Variants in NPAS3 observed in about 807,000 individuals in gnomAD.
The protein encoded by NPAS3 is neuronal PAS domain protein 3, also known as neuronal PAS domain-containing protein 3.
NPAS3 carries 14 observed loss-of-function variants against 73.1 expected under a neutral mutation model. The ratio of observed to expected loss-of-function variants is 0.19; its 90% CI spans 0.13 to 0.30. NPAS3 has a LOEUF of 0.30. NPAS3 is among the 10% of genes least tolerant of loss of function. The pLI, the probability that NPAS3 is intolerant of heterozygous loss-of-function variation, is 1.00. For synonymous variants in NPAS3, 620 were observed against 541.5 expected (o/e 1.14, Z -2.01); for missense variants, 1,096 against 1,250.0 (o/e 0.88, Z 1.86).
intron 6 of NPAS3, among the ~76,000 whole-genome samples, chr14:33,707,181 C>T (rs1218226463): frequency 6.6e-6 from 1 of 152,146 alleles, no homozygotes; most frequent in Non-Finnish European, 1.5e-5. Flanking sequence ...TTCTAAGGAG[C>T]AGAGGAGTTG....
At chr14:33,187,589 C>T (rs1017477025) in intron 2 of NPAS3, among the ~76,000 whole-genome samples, 2 of 152,084 alleles carry the variant, frequency 1.3e-5, no homozygotes, top group African/African-American at 2.4e-5. Context: ...CCCAGCTACT[C>T]AGGAAGCTGA....
chr14:33,801,697 TCTTAAA>T (rs974382647), downstream of NPAS3: 13 of 152,036 alleles, frequency 8.6e-5, 1 homozygote, highest in Non-Finnish European at 1.3e-4. Context: ...TAATTTGGGT[TCTTAAA>T]CTTAATTTCT....
rs75548399 is a variant in NPAS3 at position 33,165,412 on chromosome 14, G to A, written c.141-49770G>A. ...ACTGCATTCCATGGGATTTCTATGG[G>A]GACTACAGAGAATTCGTTCCAATGC... On this transcript the variant is annotated intron_variant, in intron 2 of 11. Coordinates refer to ENST00000356141, the Ensembl canonical transcript of NPAS3. Among the ~76,000 whole-genome samples, 192 of 151,958 alleles carry A rather than the reference G, an allele frequency of 1.3e-3. 1 individual carries two copies. The highest frequency in any genetic ancestry group is 2.3e-3 in the Non-Finnish European group (158 of 67,990).
intron 6 of NPAS3, among the ~76,000 whole-genome samples, chr14:33,724,795 A>G (rs2061217737): frequency 6.6e-6 from 1 of 152,114 alleles, no homozygotes; most frequent in Middle Eastern, 3.4e-3. Flanking sequence ...TATGAACACC[A>G]TTAAATATTA....
At chr14:33,393,228 G>T (rs1037435182) in intron 4 of NPAS3, among the ~76,000 whole-genome samples, 11 of 152,136 alleles carry the variant, frequency 7.2e-5, no homozygotes, top group African/African-American at 2.7e-4. Context: ...GGGGAGCATT[G>T]TTAAGCCATT....
chr14:33,369,638 TA>T (rs1566839774), intron 4 of NPAS3, among the ~76,000 whole-genome samples: 1 of 152,170 alleles, frequency 6.6e-6, no homozygotes, highest in Non-Finnish European at 1.5e-5. Context: ...TTGCACTATG[TA>T]ATCTTATAAT....
rs1275106557 is a variant in NPAS3, at chr14:33,008,431, A to G, written c.51-47474A>G. On this transcript the variant is annotated intron_variant, in intron 1 of 11. Transcript: ENST00000356141. ...ATTTGTGAATTTATATAAAGAAGCT[A>G]TAGGGGAGTGCATACCAACTTGATA... Among the ~76,000 whole-genome samples the G allele has an allele frequency of 2.6e-5, 4 of 152,222 alleles. No homozygotes were observed. The East Asian group carries it at 7.7e-4, about 29-fold the overall frequency.
intron 6 of NPAS3, among the ~76,000 whole-genome samples, chr14:33,698,977 T>C (rs1403505518): frequency 1.3e-5 from 2 of 152,196 alleles, no homozygotes; most frequent in Admixed American, 6.5e-5. Context: ...CTGTCATTTA[T>C]GTACCAAGTG....
intron 5 of NPAS3, among the ~76,000 whole-genome samples, chr14:33,662,116 T>C (rs2059325150): frequency 6.6e-6 from 1 of 152,210 alleles, no homozygotes; most frequent in Non-Finnish European, 1.5e-5. Flanking sequence ...TGGTAGCTGT[T>C]CACAACCTAA....
intron 1 of NPAS3, among the ~76,000 whole-genome samples, chr14:32,941,565 G>A (rs992438063): frequency 2.0e-5 from 3 of 151,714 alleles, no homozygotes; most frequent in Non-Finnish European, 4.4e-5. Flanking sequence ...CAAAGTGTGC[G>A]ATTTGTTATT....
At chr14:33,454,913 G>T (rs1421683567) in intron 4 of NPAS3, among the ~76,000 whole-genome samples, 2 of 152,302 alleles carry the variant, frequency 1.3e-5, no homozygotes, top group Non-Finnish European at 1.5e-5. Flanking sequence ...CGTGCCCCCG[G>T]CTGAGTGAGT....
At chr14:33,434,365 A>G (rs2048899312) in intron 4 of NPAS3, among the ~76,000 whole-genome samples, 1 of 151,982 alleles carries the variant, frequency 6.6e-6, no homozygotes, top group South Asian at 2.1e-4. Flanking sequence ...CATCTCTACA[A>G]AAAATACAAA....
chr14:33,149,964 G>A (rs893702680), intron 2 of NPAS3, among the ~76,000 whole-genome samples: 1 of 152,116 alleles, frequency 6.6e-6, no homozygotes, highest in Non-Finnish European at 1.5e-5. Context: ...GCCCCAGTGT[G>A]TGGTGTTCCC....
intron 2 of NPAS3, among the ~76,000 whole-genome samples, chr14:33,153,747 C>T (rs2044544077): frequency 6.6e-6 from 1 of 152,144 alleles, no homozygotes; most frequent in Non-Finnish European, 1.5e-5. Flanking sequence ...TCCTTTCTCT[C>T]AGTTCCATGG....
At chr14:33,143,482 ACT>A (rs1427711868) in intron 2 of NPAS3, among the ~76,000 whole-genome samples, 3 of 151,652 alleles carry the variant, frequency 2.0e-5, no homozygotes, top group African/African-American at 7.3e-5. Flanking sequence ...CAAGAACGAA[ACT>A]CTGTCTCAAA....
At chr14:32,998,897 G>A (rs1322886434) in intron 1 of NPAS3, among the ~76,000 whole-genome samples, 4 of 152,090 alleles carry the variant, frequency 2.6e-5, no homozygotes, top group African/African-American at 9.7e-5. Context: ...GCTCACCCTT[G>A]CTCTGGAGGC....
intron 5 of NPAS3, among the ~76,000 whole-genome samples, chr14:33,646,223 A>G (rs567516029): frequency 6.6e-6 from 1 of 152,278 alleles, no homozygotes; most frequent in Non-Finnish European, 1.5e-5. Context: ...GATGTGACAA[A>G]AATACCTAGG....
chr14:33,057,035 G>C (rs931532769), intron 2 of NPAS3, among the ~76,000 whole-genome samples: 12 of 151,226 alleles, frequency 7.9e-5, no homozygotes, highest in Admixed American at 7.3e-4. Context: ...TCCTCCAACT[G>C]GTTGTAGAGC....
At chr14:33,120,700 C>T (rs906030386) in intron 2 of NPAS3, among the ~76,000 whole-genome samples, 2 of 152,038 alleles carry the variant, frequency 1.3e-5, no homozygotes, top group Admixed American at 1.3e-4. Flanking sequence ...TCAAGAGATA[C>T]TGAATAAGAA....
Sources: allele counts gnomAD v4.1 joint callset (sites outside exome capture counted in the v4.1 genomes callset), GRCh38; gene constraint gnomAD v4.1.1; transcripts MANE v1.5; gene names NCBI Gene and HGNC (gene_info 2026-07-23, HGNC 2026-07-21).